The following RNF130 variants were observed in gnomAD, a reference collection of about 807,000 sequenced individuals.
The protein encoded by RNF130 is ring finger protein 130.
RNF130 carries 21 observed loss-of-function variants against 44.6 expected under a neutral mutation model. The observed-to-expected ratio is 0.47, with a 90% confidence interval of 0.33 to 0.68. The LOEUF (loss-of-function observed/expected upper bound fraction) is 0.68, where lower values mean the gene tolerates loss of function less well. Among genes scored for constraint, RNF130 ranks in the 30% least tolerant of loss-of-function variants. The pLI is 0.02. For missense variants in RNF130, 479 were observed against 560.6 expected (o/e 0.85, Z 1.47); for synonymous variants, 214 against 210.4 (o/e 1.02, Z -0.15).
At chr5:179,961,224 G>A (rs1455545635) in intron 8 of RNF130, among the ~76,000 whole-genome samples, 3 of 151,928 alleles carry the variant, frequency 2.0e-5, no homozygotes, top group Non-Finnish European at 4.4e-5. Flanking sequence ...ATCCACATGC[G>A]TGCATACACA....
intron 5 of RNF130, among the ~76,000 whole-genome samples, chr5:179,975,014 C>T (rs902018993): frequency 1.2e-4 from 18 of 152,260 alleles, no homozygotes; most frequent in African/African-American, 3.9e-4. Flanking sequence ...AGTGAACACA[C>T]CTGCAGGTGC....
chr5:180,014,596 G>C (rs1763671295), intron 2 of RNF130, among the ~76,000 whole-genome samples: 1 of 152,098 alleles, frequency 6.6e-6, no homozygotes, highest in African/African-American at 2.4e-5. Flanking sequence ...ATAACACATT[G>C]AAATATTTGG....
intron 3 of RNF130, among the ~76,000 whole-genome samples, chr5:179,985,418 C>T (rs1392555701): frequency 3.9e-5 from 6 of 152,144 alleles, no homozygotes; most frequent in African/African-American, 1.2e-4. Context: ...CATACTAAGC[C>T]GTAAGGGTCC....
intron 3 of RNF130, among the ~76,000 whole-genome samples, chr5:180,006,298 A>G (rs1207277390): frequency 6.6e-6 from 1 of 152,100 alleles, no homozygotes; most frequent in East Asian, 1.9e-4. Context: ...TGTGGAAGAA[A>G]AAAAAAAACC....
chr5:179,970,355 T>C, intron 6 of RNF130, 55 bp downstream of exon 6: 2 of 1,313,960 alleles, frequency 1.5e-6, no homozygotes, highest in Non-Finnish European at 2.2e-6. Flanking sequence ...TATATTGTAT[T>C]ACACATACAT....
chr5:180,067,548 T>G (rs989072945), intron 1 of RNF130, among the ~76,000 whole-genome samples: 1 of 151,970 alleles, frequency 6.6e-6, no homozygotes, highest in African/African-American at 2.4e-5. Flanking sequence ...ATTCAAATAT[T>G]TATAGGCTAA....
intron 8 of RNF130, among the ~76,000 whole-genome samples, chr5:179,958,495 T>A (rs1256793927): frequency 6.6e-6 from 1 of 152,114 alleles, no homozygotes; most frequent in African/African-American, 2.4e-5. Context: ...CGGCCTCTGA[T>A]CCCTCCTAGG....
chr5:180,051,297 T>G (rs1261685676), intron 1 of RNF130, among the ~76,000 whole-genome samples: 1 of 148,008 alleles, frequency 6.8e-6, no homozygotes, highest in Non-Finnish European at 1.5e-5. Context: ...TCACCCAGGC[T>G]GGAATGCAGT....
chr5:180,046,331 C>T (rs1764566381), intron 1 of RNF130, among the ~76,000 whole-genome samples: 2 of 152,176 alleles, frequency 1.3e-5, no homozygotes, highest in African/African-American at 4.8e-5. Context: ...GTGGCCAGAG[C>T]AGACACCAAG....
chr5:179,967,479 A>C (rs955594850), intron 6 of RNF130, among the ~76,000 whole-genome samples: 7 of 152,240 alleles, frequency 4.6e-5, no homozygotes, highest in African/African-American at 1.7e-4. Flanking sequence ...CTTTAAACAC[A>C]AGAAAAGCAT....
At chr5:180,050,425 A>T (rs1484168487) in intron 1 of RNF130, among the ~76,000 whole-genome samples, 1 of 152,224 alleles carries the variant, frequency 6.6e-6, no homozygotes, top group Non-Finnish European at 1.5e-5. Flanking sequence ...ACCCACCCAC[A>T]TTATGGAGAG....
chr5:179,972,253 T>C (rs1257113411), intron 5 of RNF130, among the ~76,000 whole-genome samples: 1 of 152,182 alleles, frequency 6.6e-6, no homozygotes, highest in African/African-American at 2.4e-5. Context: ...TTTTGGGGCA[T>C]ACAAACTCCC....
intron 7 of RNF130, among the ~76,000 whole-genome samples, chr5:179,966,376 G>C (rs1762446028): frequency 6.6e-6 from 1 of 152,166 alleles, no homozygotes; most frequent in South Asian, 2.1e-4. Context: ...TGAATTTTTA[G>C]GTTCAAGTTC....
intron 1 of RNF130, among the ~76,000 whole-genome samples, chr5:180,069,234 G>C (rs1765187388): frequency 1.3e-5 from 2 of 152,172 alleles, no homozygotes; most frequent in Admixed American, 1.3e-4. Context: ...ATGCTTCATA[G>C]AGACGGATTT....
intron 1 of RNF130, among the ~76,000 whole-genome samples, chr5:180,042,146 A>C (rs1764434601): frequency 6.6e-6 from 1 of 152,254 alleles, no homozygotes; most frequent in Admixed American, 6.5e-5. Flanking sequence ...ATGCCTAGCA[A>C]AAGAAACTAA....
chr5:179,942,815 G>C (rs377129611), intron 7 of RNF130, among the ~76,000 whole-genome samples: 1 of 152,304 alleles, frequency 6.6e-6, no homozygotes, highest in East Asian at 1.9e-4. Flanking sequence ...CGAATTTGCT[G>C]CTATGGGTGA....
chr5:179,981,900 T>C (rs1475333280), intron 3 of RNF130, among the ~76,000 whole-genome samples: 1 of 151,762 alleles, frequency 6.6e-6, no homozygotes, highest in Non-Finnish European at 1.5e-5. Context: ...TAAAATAGAC[T>C]GCATATATTT....
intron 3 of RNF130, 186 bp from the exon 4 acceptor site, chr5:179,980,386 T>C: frequency 3.6e-6 from 2 of 562,420 alleles, no homozygotes; most frequent in Non-Finnish European, 3.2e-6. Flanking sequence ...GGTTGAAAAG[T>C]AAAAAGTGTT....
chr5:179,920,825 T>C (rs1344530368), intron 7 of RNF130, among the ~76,000 whole-genome samples: 3 of 150,644 alleles, frequency 2.0e-5, no homozygotes, highest in Admixed American at 2.0e-4. Flanking sequence ...GTTTTGCTTT[T>C]GTTGCCCAGA....
Sources: gnomAD v4.1 joint callset for allele counts (sites outside exome capture counted in the v4.1 genomes callset) on GRCh38, gnomAD v4.1.1 for gene constraint, MANE v1.5 for transcripts, NCBI Gene and HGNC (gene_info 2026-07-23, HGNC 2026-07-21) for gene names.